PTPRM: variants seen among roughly 807,000 people sequenced by gnomAD.
PTPRM encodes protein tyrosine phosphatase receptor type M.
PTPRM carries 47 observed loss-of-function variants against 186.7 expected under a neutral mutation model. The observed-to-expected ratio is 0.25, with a 90% CI of 0.20 to 0.32. The LOEUF is 0.32. Among genes scored for constraint, PTPRM ranks in the 10% least tolerant of loss-of-function variants. PTPRM has a pLI of 1.00. For synonymous variants in PTPRM, 668 were observed against 674.9 expected, an observed-to-expected ratio of 0.99 and a Z score of 0.16; for missense variants, 1,494 against 1,865.0, an observed-to-expected ratio of 0.80 and a Z score of 3.66.
intron 1 of PTPRM, among the ~76,000 whole-genome samples, chr18:7,646,361 G>C (rs752795594): frequency 6.6e-6 from 1 of 152,178 alleles, no homozygotes; most frequent in Non-Finnish European, 1.5e-5. Flanking sequence ...TCTGGGCTTT[G>C]ATGGACATTG....
At chr18:7,689,676 G>T (rs2039691268) in intron 1 of PTPRM, among the ~76,000 whole-genome samples, 1 of 152,104 alleles carries the variant, frequency 6.6e-6, no homozygotes. Flanking sequence ...AATTAACAAT[G>T]AGCTATTGAA....
intron 19 of PTPRM, among the ~76,000 whole-genome samples, chr18:8,284,358 T>C (rs191676289): frequency 7.9e-4 from 121 of 152,312 alleles, no homozygotes; most frequent in South Asian, 2.1e-3. Context: ...GGCCAGCTCT[T>C]CATTTTTCAA....
intron 14 of PTPRM, among the ~76,000 whole-genome samples, chr18:8,209,192 C>G (rs1041387528): frequency 6.6e-6 from 1 of 152,132 alleles, no homozygotes; most frequent in Non-Finnish European, 1.5e-5. Context: ...TTTTGGAGGA[C>G]TAAGTGTGGC....
At chr18:8,020,857 C>T (rs2085173550) in intron 7 of PTPRM, among the ~76,000 whole-genome samples, 1 of 152,252 alleles carries the variant, frequency 6.6e-6, no homozygotes. Flanking sequence ...AGAACCTGAA[C>T]GTGCTCAGTG....
chr18:7,589,991 T>G (rs998698756), intron 1 of PTPRM, among the ~76,000 whole-genome samples: 2 of 152,202 alleles, frequency 1.3e-5, no homozygotes, highest in African/African-American at 2.4e-5. Context: ...TTGGGTGGTC[T>G]TTCCAACTTG....
At chr18:8,400,121 C>T (rs2095864355) in intron 32 of PTPRM, among the ~76,000 whole-genome samples, 1 of 152,182 alleles carries the variant, frequency 6.6e-6, no homozygotes, top group Non-Finnish European at 1.5e-5. Context: ...AGCTTCATCT[C>T]AGACCAGGTG....
chr18:7,922,599 A>T (rs1262483164), intron 4 of PTPRM, among the ~76,000 whole-genome samples: 3 of 152,076 alleles, frequency 2.0e-5, no homozygotes, highest in Admixed American at 6.5e-5. Flanking sequence ...TCTGCTCAGA[A>T]ATTTTTCATG....
intron 2 of PTPRM, among the ~76,000 whole-genome samples, chr18:7,867,905 T>C (rs1893160178): frequency 6.6e-6 from 1 of 152,196 alleles, no homozygotes; most frequent in South Asian, 2.1e-4. Flanking sequence ...TTTTCATTGC[T>C]TTTTCTCTAA....
At chr18:7,852,549 A>G (rs539705975) in intron 2 of PTPRM, among the ~76,000 whole-genome samples, 17 of 152,246 alleles carry the variant, frequency 1.1e-4, no homozygotes, top group Admixed American at 1.0e-3. Flanking sequence ...TTAGCTGGGC[A>G]TAGTGGCGGG....
At chr18:8,355,313 T>G (rs1214558345) in intron 23 of PTPRM, among the ~76,000 whole-genome samples, 33 of 151,946 alleles carry the variant, frequency 2.2e-4, no homozygotes, top group Admixed American at 2.2e-3. Context: ...GAACAAGGGG[T>G]GCCTGGTGCT....
intron 1 of PTPRM, among the ~76,000 whole-genome samples, chr18:7,591,891 T>C (rs904129740): frequency 1.3e-5 from 2 of 152,154 alleles, no homozygotes; most frequent in Admixed American, 1.3e-4. Context: ...AATTGAGAAG[T>C]GGGGAAGGGG....
At chr18:8,301,042 C>A (rs2147918093) in intron 20 of PTPRM, among the ~76,000 whole-genome samples, 1 of 152,272 alleles carries the variant, frequency 6.6e-6, no homozygotes, top group Non-Finnish European at 1.5e-5. Flanking sequence ...AAAGTCAGTT[C>A]CACTGCCTGT....
intron 21 of PTPRM, among the ~76,000 whole-genome samples, chr18:8,317,461 C>A (rs927083455): frequency 1.3e-5 from 2 of 151,994 alleles, no homozygotes; most frequent in Non-Finnish European, 2.9e-5. Context: ...TCAAAATTCC[C>A]AGGAAAAGGT....
At chr18:7,742,228 A>T (rs956602359) in intron 1 of PTPRM, among the ~76,000 whole-genome samples, 1 of 152,238 alleles carries the variant, frequency 6.6e-6, no homozygotes, top group African/African-American at 2.4e-5. Flanking sequence ...AATTATTTTA[A>T]GTTACAGTGA....
intron 2 of PTPRM, among the ~76,000 whole-genome samples, chr18:7,837,793 C>T (rs2046126146): frequency 6.6e-6 from 1 of 152,100 alleles, no homozygotes; most frequent in South Asian, 2.1e-4. Context: ...AGAATTGGTC[C>T]CTGGTGACTT....
rs184497741 is a variant in PTPRM at position 7,773,521 on chromosome 18, A to G, written c.74-628A>G. Reference sequence around the variant, plus strand: ...TCAAATTCCTATACATCTGGAAACTATGAATTTTAAATTTGCTTAGGTCTT... The same window carrying G: ...TCAAATTCCTATACATCTGGAAACTGTGAATTTTAAATTTGCTTAGGTCTT... On this transcript the variant is annotated intron_variant, in intron 1 of 32. Coordinates refer to ENST00000580170, the MANE Select transcript of PTPRM (RefSeq NM_001105244.2). Among the ~76,000 whole-genome samples, 840 of 150,974 alleles carry G rather than the reference A, an allele frequency of 5.6e-3. 4 individuals carry two copies. Among genetic ancestry groups the G allele is most frequent in the Non-Finnish European group, 9.6e-3 (650 of 67,746 alleles).
chr18:8,256,984 A>G (rs886311979), intron 19 of PTPRM, among the ~76,000 whole-genome samples: 2 of 152,308 alleles, frequency 1.3e-5, no homozygotes, highest in African/African-American at 4.8e-5. Flanking sequence ...ACATGGCGCC[A>G]GGGATACAGA....
At chr18:8,084,468 AAT>A (rs1160071752) in intron 9 of PTPRM, among the ~76,000 whole-genome samples, 1 of 152,170 alleles carries the variant, frequency 6.6e-6, no homozygotes, top group African/African-American at 2.4e-5. Flanking sequence ...GCATGACTCC[AAT>A]AGTGTCATGC....
chr18:8,273,913 T>A (rs1185017833), intron 19 of PTPRM, among the ~76,000 whole-genome samples: 1 of 152,224 alleles, frequency 6.6e-6, no homozygotes, highest in Non-Finnish European at 1.5e-5. Flanking sequence ...CCTCTAAACA[T>A]TAGTTCTGAC....
Sources: allele counts gnomAD v4.1 joint callset (sites outside exome capture counted in the v4.1 genomes callset), GRCh38; gene constraint gnomAD v4.1.1; transcripts MANE v1.5; gene names NCBI Gene and HGNC (gene_info 2026-07-23, HGNC 2026-07-21).